TANC2: variants seen among roughly 807,000 people sequenced by gnomAD.
TANC2 encodes protein TANC2.
A neutral mutation model predicts 210.5 loss-of-function variants in TANC2; 26 were observed. That is an observed-to-expected ratio of 0.12 (90% confidence interval 0.09 to 0.17). TANC2 has a LOEUF of 0.17. Ranked by LOEUF, TANC2 falls within the 10% of genes least tolerant of loss-of-function variation. TANC2 has a pLI of 1.00. For missense variants in TANC2, 2,129 were observed against 2,608.9 expected, an observed-to-expected ratio of 0.82 and a Z score of 4.01; for synonymous variants, 931 against 967.1, an observed-to-expected ratio of 0.96 and a Z score of 0.69.
chr17:63,194,126 A>T (rs1319198280), exon 6 of TANC2: 1 of 1,612,826 alleles, frequency 6.2e-7, no homozygotes, highest in Admixed American at 1.7e-5. Context: ...ATGGAAGTAC[A>T]GGATGAAAAT....
chr17:63,319,119 T>G, intron 11 of TANC2, 29 bp downstream of exon 11: 1 of 1,590,542 alleles, frequency 6.3e-7, no homozygotes, highest in South Asian at 1.1e-5. Context: ...GTTGGGGATA[T>G]GGTAGTTCCA....
rs563041155 is a variant in TANC2, at chr17:63,027,608, CTTATGATAATATAGTTA to C, written c.67+17984_67+18000del. Among the ~76,000 whole-genome samples the C allele has an allele frequency of 1.1e-3, 169 of 151,932 alleles. 1 individual carries two copies. Among genetic ancestry groups the C allele is most frequent in the African/African-American group, 3.9e-3 (160 of 41,486 alleles). On this transcript the variant is annotated intron_variant, in intron 2 of 27. Coordinates refer to ENST00000689528, the Ensembl canonical transcript of TANC2. Reference sequence around the variant, plus strand: ...TTAGTCTATACCATCTCATGGTCTCCTTATGATAATATAGTTATGCTTCTGTTTTTTTGAGATATATG... The same window carrying C: ...TTAGTCTATACCATCTCATGGTCTCCTGCTTCTGTTTTTTTGAGATATATG...
chr17:63,342,956 T>G (rs1036290223), intron 12 of TANC2, among the ~76,000 whole-genome samples: 5 of 152,194 alleles, frequency 3.3e-5, no homozygotes, highest in Non-Finnish European at 7.4e-5. Context: ...TATTTCCATG[T>G]TTTTAACTCA....
At chr17:63,237,234 A>AT (rs1275282399) in intron 7 of TANC2, among the ~76,000 whole-genome samples, 2 of 151,714 alleles carry the variant, frequency 1.3e-5, no homozygotes, top group Non-Finnish European at 2.9e-5. Flanking sequence ...TAATATTGAG[A>AT]TTTTTTTCAT....
chr17:63,415,972 G>A (rs544115760), intron 26 of TANC2, among the ~76,000 whole-genome samples: 3 of 152,252 alleles, frequency 2.0e-5, no homozygotes, highest in African/African-American at 7.2e-5. Context: ...CAGTGTTCTG[G>A]TCTTTGGGAA....
chr17:63,245,779 G>T lies in TANC2; in HGVS notation c.1033+7702G>T, dbSNP rs1032639827. The stretch of plus-strand genomic sequence containing the variant: ...AATCCCTTGAACCCGGGAGGTGGAG[G>T]TTGCAGTGAGCTGAGATCGTGCCAC... On this transcript the variant is annotated intron_variant, in intron 8 of 27. Transcript: ENST00000689528. Among the ~76,000 whole-genome samples, 6 of 150,916 alleles carry T rather than the reference G, an allele frequency of 4.0e-5. No homozygotes were observed. In the East Asian group the frequency reaches 1.2e-3, roughly 29 times the overall value.
intron 2 of TANC2, among the ~76,000 whole-genome samples, chr17:63,024,186 G>T (rs1039327144): frequency 2.0e-5 from 3 of 152,066 alleles, no homozygotes; most frequent in Non-Finnish European, 2.9e-5. Context: ...GAAATAATTC[G>T]GGGCTAGTCC....
chr17:63,303,714 C>G (rs2044799473), intron 9 of TANC2, among the ~76,000 whole-genome samples: 1 of 152,040 alleles, frequency 6.6e-6, no homozygotes, highest in Non-Finnish European at 1.5e-5. Context: ...CCATTTTCCT[C>G]CTTTCTTTCA....
intron 14 of TANC2, 120 bp downstream of exon 14, chr17:63,355,510 G>A: frequency 8.8e-7 from 1 of 1,132,702 alleles, no homozygotes; most frequent in Non-Finnish European, 1.2e-6. Flanking sequence ...GACATCATCT[G>A]TGTTTCTTCT....
chr17:63,314,460 C>T, exon 10 of TANC2: 1 of 1,613,968 alleles, frequency 6.2e-7, no homozygotes, highest in South Asian at 1.1e-5. Context: ...AGCATCACTA[C>T]AGAGTCAGTG....
At position 62,987,268 on chromosome 17, in the gene TANC2, C is replaced by T. The variant is rs575307452; in HGVS notation, c.-24+20519C>T. ...TGCTCCTGGGGTCGTGGTGTTCAGC[C>T]ACTGGTGTGGAATTCGTAGTATAAA... On this transcript the variant is annotated intron_variant, in intron 1 of 27. Coordinates refer to ENST00000689528, the Ensembl canonical transcript of TANC2. Among the ~76,000 whole-genome samples the T allele has an allele frequency of 2.0e-5, 3 of 152,238 alleles. No homozygotes were observed. In the East Asian group the frequency reaches 5.8e-4, roughly 29 times the overall value.
chr17:63,142,576 C>A (rs2039326195), intron 4 of TANC2, among the ~76,000 whole-genome samples: 1 of 152,018 alleles, frequency 6.6e-6, no homozygotes, highest in Non-Finnish European at 1.5e-5. Context: ...CTCTGAAAAG[C>A]AAATAAGTTT....
intron 7 of TANC2, among the ~76,000 whole-genome samples, chr17:63,202,155 C>T (rs1014236048): frequency 2.0e-5 from 3 of 152,066 alleles, no homozygotes; most frequent in African/African-American, 7.2e-5. Flanking sequence ...AGACATTGAA[C>T]ATTATTCTAT....
At chr17:63,360,950 C>T (rs1465464000) in intron 14 of TANC2, among the ~76,000 whole-genome samples, 1 of 152,202 alleles carries the variant, frequency 6.6e-6, no homozygotes, top group Non-Finnish European at 1.5e-5. Flanking sequence ...CCAGTTCCAT[C>T]CATGTTGTTG....
chr17:63,267,385 CA>C (rs1426709469), intron 8 of TANC2, among the ~76,000 whole-genome samples: 3 of 152,014 alleles, frequency 2.0e-5, no homozygotes. Context: ...TTTTAAATCT[CA>C]AATCTACCAT....
intron 9 of TANC2, among the ~76,000 whole-genome samples, chr17:63,301,366 T>G (rs1010977455): frequency 6.6e-6 from 1 of 152,154 alleles, no homozygotes; most frequent in African/African-American, 2.4e-5. Flanking sequence ...CCAGCTCCTC[T>G]TTGTACCTCT....
intron 3 of TANC2, among the ~76,000 whole-genome samples, chr17:63,098,515 G>GTA (rs373665673): frequency 0.02 from 2,554 of 126,698 alleles, 95 homozygotes; most frequent in South Asian, 0.036. Flanking sequence ...CTCTCTGTGT[G>GTA]TATATATATA....
intron 8 of TANC2, among the ~76,000 whole-genome samples, chr17:63,255,359 TG>T (rs1472072181): frequency 2.6e-5 from 4 of 152,170 alleles, no homozygotes; most frequent in African/African-American, 7.2e-5. Context: ...CCCAAAGTGC[TG>T]GGATTACAGG....
At chr17:63,211,335 G>C (rs2145870684) in intron 7 of TANC2, among the ~76,000 whole-genome samples, 1 of 152,084 alleles carries the variant, frequency 6.6e-6, no homozygotes, top group African/African-American at 2.4e-5. Flanking sequence ...TCATGATCTG[G>C]TGATGGCCAG....
Sources: allele counts gnomAD v4.1 joint callset (sites outside exome capture counted in the v4.1 genomes callset), GRCh38; gene constraint gnomAD v4.1.1; transcripts MANE v1.5; gene names NCBI Gene and HGNC (gene_info 2026-07-23, HGNC 2026-07-21).